Variants in GLTP observed in about 807,000 individuals in gnomAD.
The protein encoded by GLTP is glycolipid transfer protein.
GLTP carries 22 observed loss-of-function variants against 24.0 expected under a neutral mutation model. The observed-to-expected ratio is 0.92, with a 90% CI of 0.65 to 1.31. The LOEUF is 1.31. Ranked by LOEUF, GLTP falls within the 50% of genes most tolerant of loss-of-function variation. The pLI is 0.00. For missense variants in GLTP, 224 were observed against 276.6 expected (o/e 0.81, Z 1.35); for synonymous variants, 92 against 115.9 (o/e 0.79, Z 1.33).
chr12:109,878,642 AAAC>A (rs201811942), intron 1 of GLTP, among the ~76,000 whole-genome samples: 1,935 of 152,292 alleles, frequency 0.013, 35 homozygotes, highest in Middle Eastern at 0.041. Context: ...TCACAAAATT[AAAC>A]AACTTTTCAA....
intron 1 of GLTP, among the ~76,000 whole-genome samples, chr12:109,862,395 A>G (rs1256364748): frequency 6.6e-6 from 1 of 152,002 alleles, no homozygotes; most frequent in African/African-American, 2.4e-5. Flanking sequence ...TGCATTCTCA[A>G]CTTACATAAT....
rs756438132 is a variant in GLTP, at chr12:109,855,627, T to C, written c.439A>G (p.Ile147Val). Residue 147 changes from isoleucine (I) to valine (V), a missense_variant, in exon 4 of 5, where the codon ATC (isoleucine) becomes GTC (valine). Physicochemically the swap from Ile to Val is conservative, Grantham distance 29. Transcript: ENST00000318348. This position sits in a 1 kb window ranked among gnomAD's most constrained non-coding sequence, Gnocchi z 4.1. ...KKYHGWIVQKIFQAALYAAPY... is the reference protein window; with the variant it reads ...KKYHGWIVQKVFQAALYAAPY... Reference sequence around the variant, plus strand: ...TCATGGGGGTGGCTCACCTGGAAGATCTTCTGCACGATCCAGCCATGGTAC... The same window carrying C: ...TCATGGGGGTGGCTCACCTGGAAGACCTTCTGCACGATCCAGCCATGGTAC... 3 of 1,544,002 alleles carry C rather than the reference T, an allele frequency of 1.9e-6. No individual in the cohort carries two copies. In the Admixed American group the frequency reaches 5.9e-5, roughly 30 times the overall value.
chr12:109,871,369 G>C (rs567521465), intron 1 of GLTP, among the ~76,000 whole-genome samples: 1 of 152,266 alleles, frequency 6.6e-6, no homozygotes, highest in South Asian at 2.1e-4. Flanking sequence ...ACAGGCATGA[G>C]CCACTGCGCC....
In GLTP at chr12:109,852,461, CA is replaced by C. The variant is rs778695022; in HGVS notation, c.*93del. On this transcript the variant is annotated 3_prime_UTR_variant, in exon 5 of 5. Transcript: ENST00000318348. ...CTGGGCTGCTCTGGGGGACACAGGC[CA>C]GGGGCAGTTCACCGACTTGATTCAC... 2.9e-5 allele frequency: 24 copies of C among 819,788 alleles called. No individual in the cohort carries two copies. The highest frequency in any genetic ancestry group is 4.4e-5 in the Non-Finnish European group (21 of 479,644). The allele number at this position is 819,788 out of a possible 1,614,324, so 50.8% of individuals were successfully genotyped here. A position where few individuals can be genotyped will look rare whatever the true frequency, so the allele number is the denominator to read the frequency against.
At chr12:109,878,186 C>A (rs1253525340) in intron 1 of GLTP, among the ~76,000 whole-genome samples, 5 of 152,262 alleles carry the variant, frequency 3.3e-5, no homozygotes, top group African/African-American at 4.8e-5. Context: ...CTTGCCACCT[C>A]CCTCTTTCCT....
rs1869049379 is a variant in GLTP at position 109,880,500 on chromosome 12, T to A, written c.-126A>T. ...GCCGCAGGCTCCGGGGACGCCAGCGTCGCCACTTCCGCCCGCACGGCGCCC... is the reference window on the plus strand; with the variant it reads ...GCCGCAGGCTCCGGGGACGCCAGCGACGCCACTTCCGCCCGCACGGCGCCC... On this transcript the variant is annotated 5_prime_UTR_variant, in exon 1 of 5. Coordinates refer to ENST00000318348, the MANE Select transcript of GLTP (RefSeq NM_016433.4). This position sits in a 1 kb window ranked among gnomAD's most constrained non-coding sequence, Gnocchi z 5.1. 9.0e-6 allele frequency: 2 copies of A among 221,100 alleles called. No homozygotes were observed. Among genetic ancestry groups the A allele is most frequent in the Non-Finnish European group, 1.7e-5 (2 of 119,134 alleles). The allele number at this position is 221,100 out of a possible 1,614,324, so 13.7% of individuals were successfully genotyped here. A position where few individuals can be genotyped will look rare whatever the true frequency, so the allele number is the denominator to read the frequency against.
rs1463009013 is a variant in GLTP, at chr12:109,852,404, G to T, written c.*151C>A. ...AAAAAAAAAAAAAGACTTAAAAAAC[G>T]AGGGCTGTCCCCTGCAGACTCTGGC... On this transcript the variant is annotated 3_prime_UTR_variant, in exon 5 of 5. Coordinates refer to ENST00000318348, the MANE Select transcript of GLTP (RefSeq NM_016433.4). The T allele has an allele frequency of 7.5e-5, 25 of 332,296 alleles. No homozygotes were observed. The highest frequency in any genetic ancestry group is 2.9e-4 in the East Asian group (7 of 24,074). 20.6% of individuals were successfully genotyped at this position (332,296 alleles called of 1,614,324 possible).
intron 1 of GLTP, among the ~76,000 whole-genome samples, chr12:109,871,384 C>CCTGAGGCTTCAGGCTGAGCCAGACCAGAT (rs1868717412): frequency 6.6e-6 from 1 of 152,150 alleles, no homozygotes; most frequent in African/African-American, 2.4e-5. Flanking sequence ...TGCGCCCGGC[C>CCTGAGGCTTCAGGCTGAGCCAGACCAGAT]CCAATATTTC....
chr12:109,865,215 T>G (rs1868485877), intron 1 of GLTP, among the ~76,000 whole-genome samples: 1 of 152,214 alleles, frequency 6.6e-6, no homozygotes, highest in Non-Finnish European at 1.5e-5. Flanking sequence ...ACCCAGAACC[T>G]GTCTGCCTGG....
At position 109,857,735 on chromosome 12, in the gene GLTP, G is replaced by T. The variant is rs573518621; in HGVS notation, c.163-76C>A. On this transcript the variant is annotated intron_variant, in intron 2 of 4. Coordinates refer to ENST00000318348, the MANE Select transcript of GLTP (RefSeq NM_016433.4). The surrounding 1 kb of genome is among the most constrained non-coding windows in gnomAD (Gnocchi z 4.3). ...ATCTGGCCCGCACGCTGGGTGAAAA[G>T]CACCCTACCGGCATCTCCTGCTCCT... The T allele has an allele frequency of 4.1e-6, 6 of 1,465,266 alleles. No individual in the cohort carries two copies. In the East Asian group the frequency reaches 6.8e-5, roughly 17 times the overall value. The allele number at this position is 1,465,266 out of a possible 1,614,324, so 90.8% of individuals were successfully genotyped here. A position where few individuals can be genotyped will look rare whatever the true frequency, so the allele number is the denominator to read the frequency against.
intron 1 of GLTP, among the ~76,000 whole-genome samples, chr12:109,867,008 G>A (rs1015056605): frequency 1.3e-5 from 2 of 150,060 alleles, no homozygotes; most frequent in African/African-American, 4.9e-5. Context: ...GAACTCCTGG[G>A]CTCAAGCAAT....
intron 1 of GLTP, among the ~76,000 whole-genome samples, chr12:109,874,315 G>T (rs1250396322): frequency 6.6e-6 from 1 of 152,064 alleles, no homozygotes; most frequent in Non-Finnish European, 1.5e-5. Context: ...TCTGATTCTA[G>T]GCTGCCACTG....
intron 4 of GLTP, among the ~76,000 whole-genome samples, chr12:109,854,076 T>C (rs1019982142): frequency 4.0e-5 from 6 of 149,340 alleles, no homozygotes; most frequent in Non-Finnish European, 8.9e-5. Context: ...AAAGCAGTAA[T>C]AGCTAGGGTG....
At chr12:109,865,011 C>A (rs1868480989) in intron 1 of GLTP, among the ~76,000 whole-genome samples, 1 of 152,176 alleles carries the variant, frequency 6.6e-6, no homozygotes, top group Non-Finnish European at 1.5e-5. Flanking sequence ...CCGCACCCAG[C>A]CTCTAAGAGT....
At chr12:109,862,190 C>T (rs1731758655) in intron 1 of GLTP, among the ~76,000 whole-genome samples, 1 of 152,142 alleles carries the variant, frequency 6.6e-6, no homozygotes, top group Non-Finnish European at 1.5e-5. Flanking sequence ...GGCAAAGAAT[C>T]CAGGGTGCTC....
At chr12:109,877,694 C>A (rs150956051) in intron 1 of GLTP, among the ~76,000 whole-genome samples, 2 of 152,232 alleles carry the variant, frequency 1.3e-5, no homozygotes, top group Non-Finnish European at 2.9e-5. Context: ...GTCCCTCACC[C>A]CAGAGCAGCT....
At chr12:109,873,361 G>A (rs961706126) in intron 1 of GLTP, among the ~76,000 whole-genome samples, 5 of 152,100 alleles carry the variant, frequency 3.3e-5, no homozygotes, top group African/African-American at 9.7e-5. Context: ...GAGGCTGGGC[G>A]CGGTAGCTCA....
Position 109,870,714 on chromosome 12 carries a change from C to G in GLTP, c.103+9558G>C, listed in dbSNP as rs541695139. On this transcript the variant is annotated intron_variant, in intron 1 of 4. Transcript: ENST00000318348. ...TTAGGGGTAAAATTAGCAGAAATCT[C>G]CCCATCATAAAATAATGACTTCAAA... is the stretch of plus-strand genomic sequence containing the variant. Among the ~76,000 whole-genome samples the G allele has an allele frequency of 3.9e-5, 6 of 152,164 alleles. No homozygotes were observed. The South Asian group carries it at 1.2e-3, about 32-fold the overall frequency.
intron 2 of GLTP, 81 bp downstream of exon 2, chr12:109,858,602 G>A (rs1892832409): frequency 2.0e-6 from 2 of 997,602 alleles, no homozygotes; most frequent in African/African-American, 3.2e-5. Flanking sequence ...GCTTGCAGCT[G>A]GGACCATGAT....
Sources: gnomAD v4.1 joint callset for allele counts (sites outside exome capture counted in the v4.1 genomes callset) on GRCh38, gnomAD v4.1.1 for gene constraint, Gnocchi (gnomAD v3.1) non-coding constraint, MANE v1.5 for transcripts, NCBI Gene and HGNC (gene_info 2026-07-23, HGNC 2026-07-21) for gene names.